Variants in GHR observed in about 807,000 individuals in gnomAD.
GHR encodes the protein GH receptor.
Under a neutral mutation model 67.1 loss-of-function variants are expected in GHR, and 35 were observed. The observed-to-expected ratio is 0.52, with a 90% CI of 0.40 to 0.69. The LOEUF (loss-of-function observed/expected upper bound fraction) is 0.69. Among genes scored for constraint, GHR ranks in the 30% least tolerant of loss-of-function variants. The probability of loss-of-function intolerance (pLI) is 0.00; values close to 1 mark genes in which losing one functional copy is unlikely to be tolerated. For missense variants in GHR, 792 were observed against 764.6 expected, an observed-to-expected ratio of 1.04 and a Z score of -0.42; for synonymous variants, 272 against 269.1, an observed-to-expected ratio of 1.01 and a Z score of -0.10.
intron 1 of GHR, among the ~76,000 whole-genome samples, chr5:42,545,687 C>T (rs1412209156): frequency 1.3e-5 from 2 of 152,176 alleles, no homozygotes; most frequent in Non-Finnish European, 2.9e-5. Flanking sequence ...CAAATACCAT[C>T]TCAGAGTACA....
chr5:42,473,611 G>GATC (rs776089276), intron 1 of GHR, among the ~76,000 whole-genome samples: 52 of 152,274 alleles, frequency 3.4e-4, no homozygotes, highest in Non-Finnish European at 5.4e-4. Flanking sequence ...GGGCGCAGTG[G>GATC]ATCACGCCTG....
chr5:42,653,087 G>A (rs1432365543), intron 3 of GHR, among the ~76,000 whole-genome samples: 1 of 152,140 alleles, frequency 6.6e-6, no homozygotes, highest in Non-Finnish European at 1.5e-5. Context: ...ACTAAAAGAT[G>A]TCAGAACAGG....
intron 1 of GHR, among the ~76,000 whole-genome samples, chr5:42,509,406 T>C (rs1483783548): frequency 6.6e-6 from 1 of 152,208 alleles, no homozygotes; most frequent in Non-Finnish European, 1.5e-5. Context: ...TCTCATACCC[T>C]AACTCTGCGC....
At chr5:42,473,443 T>C (rs7737776) in intron 1 of GHR, among the ~76,000 whole-genome samples, 3,761 of 152,316 alleles carry the variant, frequency 0.025, 151 homozygotes, top group African/African-American at 0.086. Flanking sequence ...ATGTGTTGGA[T>C]ATATAGCAGG....
chr5:42,579,118 GATAGA>G (rs1561138686), intron 2 of GHR, among the ~76,000 whole-genome samples: 5 of 79,316 alleles, frequency 6.3e-5, no homozygotes, highest in Admixed American at 1.1e-4. Context: ...TAGATAGATA[GATAGA>G]TAGATAGATA....
intron 5 of GHR, among the ~76,000 whole-genome samples, chr5:42,697,917 G>C (rs1249658856): frequency 1.3e-5 from 2 of 152,184 alleles, no homozygotes; most frequent in Non-Finnish European, 2.9e-5. Context: ...CCAGGACCAG[G>C]TTATTAGTGG....
intron 1 of GHR, among the ~76,000 whole-genome samples, chr5:42,474,285 A>AAGAAAGAAAGAAAGAAAGAAAGAGAG: frequency 3.6e-5 from 1 of 28,128 alleles, no homozygotes; most frequent in African/African-American, 1.2e-4. Flanking sequence ...GAAAGAAAGA[A>AAGAAAGAAAGAAAGAAAGAAAGAGAG]AAAGAGAAAG....
chr5:42,693,573 CA>C (rs1216938132), intron 4 of GHR, among the ~76,000 whole-genome samples: 9 of 152,288 alleles, frequency 5.9e-5, no homozygotes, highest in African/African-American at 2.2e-4. Flanking sequence ...TGATACTACA[CA>C]AGTTTTCTCC....
At chr5:42,692,251 T>C (rs1043753495) in intron 4 of GHR, among the ~76,000 whole-genome samples, 5 of 152,102 alleles carry the variant, frequency 3.3e-5, no homozygotes, top group African/African-American at 1.2e-4. Context: ...TACTTTTATC[T>C]AGTTGGTTGT....
chr5:42,693,955 A>G (rs146961121), intron 4 of GHR, among the ~76,000 whole-genome samples: 107 of 152,138 alleles, frequency 7.0e-4, no homozygotes, highest in African/African-American at 2.5e-3. Context: ...CTGTCATTCC[A>G]TTGCCTTTTA....
At chr5:42,681,245 G>A (rs1756850382) in intron 3 of GHR, among the ~76,000 whole-genome samples, 1 of 135,794 alleles carries the variant, frequency 7.4e-6, no homozygotes, top group Admixed American at 7.9e-5. Context: ...AATCTACAAA[G>A]AACTTCAATA....
chr5:42,621,751 A>G (rs1158784544), intron 2 of GHR, among the ~76,000 whole-genome samples: 1 of 152,186 alleles, frequency 6.6e-6, no homozygotes, highest in Non-Finnish European at 1.5e-5. Flanking sequence ...GTTTGAAACC[A>G]CCAGCACCAT....
chr5:42,513,333 T>C (rs1211159802), intron 1 of GHR, among the ~76,000 whole-genome samples: 3 of 152,198 alleles, frequency 2.0e-5, no homozygotes, highest in African/African-American at 7.2e-5. Flanking sequence ...CCAAATGACA[T>C]TGTGGATTAT....
At chr5:42,714,609 C>T (rs147658357) in intron 8 of GHR, among the ~76,000 whole-genome samples, 3 of 152,222 alleles carry the variant, frequency 2.0e-5, no homozygotes, top group East Asian at 3.9e-4. Context: ...TTCAGTAGAG[C>T]TTCATGTCCA....
intron 3 of GHR, among the ~76,000 whole-genome samples, chr5:42,641,549 T>C (rs955115958): frequency 1.3e-5 from 2 of 152,046 alleles, no homozygotes; most frequent in African/African-American, 4.8e-5. Flanking sequence ...GCGAACTAGA[T>C]CTGGAATTCT....
intron 3 of GHR, among the ~76,000 whole-genome samples, chr5:42,651,318 C>T (rs901387340): frequency 6.6e-6 from 1 of 152,132 alleles, no homozygotes; most frequent in African/African-American, 2.4e-5. Flanking sequence ...CTTGTAAATT[C>T]CAAGGGGTTG....
intron 1 of GHR, among the ~76,000 whole-genome samples, chr5:42,476,600 G>A (rs1023288602): frequency 2.6e-5 from 4 of 152,194 alleles, no homozygotes; most frequent in Admixed American, 6.5e-5. Flanking sequence ...AGAAACTCCT[G>A]ACTGAAGAGA....
chr5:42,563,468 A>T (rs1259158552), intron 1 of GHR, among the ~76,000 whole-genome samples: 1 of 151,628 alleles, frequency 6.6e-6, no homozygotes, highest in African/African-American at 2.4e-5. Flanking sequence ...TACAAAAAAA[A>T]TTAGCCGGGC....
rs186256507 is a variant in GHR at position 42,703,166 on chromosome 5, C to A, written c.618+3164C>A. Among the ~76,000 whole-genome samples, 3 of 152,114 alleles carry A rather than the reference C, an allele frequency of 2.0e-5. No individual in the cohort carries two copies. The East Asian group carries it at 5.8e-4, about 29-fold the overall frequency. On this transcript the variant is annotated intron_variant, in intron 6 of 9. Coordinates refer to ENST00000230882, the MANE Select transcript of GHR (RefSeq NM_000163.5). ...GTCATGGAGCTTTTTCCTATATTTT[C>A]TTCCAGTAGTTGTACAGTTTCAGGT...
Sources: allele counts gnomAD v4.1 joint callset (sites outside exome capture counted in the v4.1 genomes callset), GRCh38; gene constraint gnomAD v4.1.1; transcripts MANE v1.5; gene names NCBI Gene and HGNC (gene_info 2026-07-23, HGNC 2026-07-21).